Variants in ERBB4 observed in about 807,000 individuals in gnomAD.
ERBB4 encodes erb-b2 receptor tyrosine kinase 4.
Under a neutral mutation model 158.0 loss-of-function variants are expected in ERBB4, and 42 were observed. That is an observed-to-expected ratio of 0.27 (90% confidence interval 0.21 to 0.34). The LOEUF (loss-of-function observed/expected upper bound fraction) is 0.34, where lower values mean the gene tolerates loss of function less well. Among genes scored for constraint, ERBB4 ranks in the 10% least tolerant of loss-of-function variants. The probability of loss-of-function intolerance (pLI) is 1.00; values close to 1 mark genes in which losing one functional copy is unlikely to be tolerated. For synonymous variants in ERBB4, 583 were observed against 558.7 expected, an observed-to-expected ratio of 1.04 and a Z score of -0.61; for missense variants, 1,333 against 1,624.1, an observed-to-expected ratio of 0.82 and a Z score of 3.08.
chr2:212,277,762 C>A (rs1014518319), intron 1 of ERBB4, among the ~76,000 whole-genome samples: 1 of 151,688 alleles, frequency 6.6e-6, no homozygotes, highest in Admixed American at 6.6e-5. Flanking sequence ...TATATGCTGA[C>A]ACAGATTCAT....
At chr2:212,361,425 A>C (rs578215878) in intron 1 of ERBB4, among the ~76,000 whole-genome samples, 1 of 151,782 alleles carries the variant, frequency 6.6e-6, no homozygotes, top group African/African-American at 2.4e-5. Context: ...CAAAGAGGGA[A>C]GGTTTTGCAT....
chr2:212,183,647 T>C (rs1276350459), intron 1 of ERBB4, among the ~76,000 whole-genome samples: 2 of 151,936 alleles, frequency 1.3e-5, no homozygotes, highest in Admixed American at 1.3e-4. Context: ...TATGGAGAAG[T>C]TTTTTTGCTA....
chr2:212,075,947 G>A (rs1337665262), intron 2 of ERBB4, among the ~76,000 whole-genome samples: 2 of 151,758 alleles, frequency 1.3e-5, no homozygotes, highest in Non-Finnish European at 2.9e-5. Context: ...TTGAAATCCA[G>A]TAGTTGGAAT....
intron 2 of ERBB4, among the ~76,000 whole-genome samples, chr2:212,022,575 T>C (rs1318969526): frequency 6.6e-6 from 1 of 152,004 alleles, no homozygotes; most frequent in Non-Finnish European, 1.5e-5. Flanking sequence ...AGAGCTAATG[T>C]ATGCTGGGCT....
At chr2:211,435,344 C>T (rs571106286) in intron 20 of ERBB4, among the ~76,000 whole-genome samples, 1 of 151,852 alleles carries the variant, frequency 6.6e-6, no homozygotes, top group South Asian at 2.1e-4. Context: ...TAGAACACAG[C>T]GGTCATTAAA....
At chr2:211,632,006 C>T (rs901978365) in intron 16 of ERBB4, among the ~76,000 whole-genome samples, 2 of 151,860 alleles carry the variant, frequency 1.3e-5, no homozygotes, top group African/African-American at 2.4e-5. Flanking sequence ...AAAAAATCTG[C>T]GTAACTTCTT....
At chr2:212,451,338 A>C (rs1170118836) in intron 1 of ERBB4, among the ~76,000 whole-genome samples, 9 of 152,240 alleles carry the variant, frequency 5.9e-5, no homozygotes, top group Admixed American at 5.9e-4. Flanking sequence ...ATGTTGGAAA[A>C]ATCATAAACT....
chr2:211,863,056 T>C (rs1384568577), intron 3 of ERBB4, among the ~76,000 whole-genome samples: 1 of 151,628 alleles, frequency 6.6e-6, no homozygotes, highest in African/African-American at 2.4e-5. Flanking sequence ...CATCACTCTG[T>C]AAAAACGCAC....
chr2:212,223,087 T>G (rs1254071383), intron 1 of ERBB4, among the ~76,000 whole-genome samples: 1 of 151,522 alleles, frequency 6.6e-6, no homozygotes, highest in African/African-American at 2.4e-5. Flanking sequence ...ATTTGGGGCA[T>G]GCATATAAAA....
At chr2:211,499,776 GTTCTAT>G (rs2065570781) in intron 20 of ERBB4, among the ~76,000 whole-genome samples, 1 of 151,992 alleles carries the variant, frequency 6.6e-6, no homozygotes, top group African/African-American at 2.4e-5. Context: ...CCCCCAAAAA[GTTCTAT>G]TTCTGAGACT....
intron 20 of ERBB4, among the ~76,000 whole-genome samples, chr2:211,492,075 A>T: frequency 6.6e-6 from 1 of 151,928 alleles, no homozygotes; most frequent in Middle Eastern, 3.2e-3. Context: ...CTTAAGAAAA[A>T]AAAAAAGAAT....
At chr2:212,526,591 T>C (rs573433933) in intron 1 of ERBB4, among the ~76,000 whole-genome samples, 1 of 151,978 alleles carries the variant, frequency 6.6e-6, no homozygotes, top group Non-Finnish European at 1.5e-5. Context: ...AACTGTTTAG[T>C]TGATATTTTT....
In ERBB4 at chr2:211,878,221, T is replaced by A. The variant is rs183561765; in HGVS notation, c.421+69209A>T. Among the ~76,000 whole-genome samples, 34 of 152,346 alleles carry A rather than the reference T, an allele frequency of 2.2e-4. No homozygotes were observed. The East Asian group carries it at 5.0e-3, about 22-fold the overall frequency. ...AAATTTATCTTATAATTTAAAACAG[T>A]TCTCATTAGAGTCAGGAATCAGTAA... is the stretch of plus-strand genomic sequence containing the variant. On this transcript the variant is annotated intron_variant, in intron 3 of 27. Coordinates refer to ENST00000342788, the MANE Select transcript of ERBB4 (RefSeq NM_005235.3).
rs1398415306 is a variant in ERBB4 at position 211,997,204 on chromosome 2, A to T, written c.235-49588T>A. 3.9e-5 allele frequency among the ~76,000 whole-genome samples: 6 copies of T among 152,294 alleles called. 1 individual carries two copies. The highest frequency in any genetic ancestry group is 2.0e-4 in the Admixed American group (3 of 15,286). On this transcript the variant is annotated intron_variant, in intron 2 of 27. Transcript: ENST00000342788. The stretch of plus-strand genomic sequence containing the variant: ...TCCTAATATCTATCAAAAAGATAAT[A>T]GTCTATAATTCCTTCCTTTTCAAAC...
rs537398152 is a variant in ERBB4 at position 212,375,628 on chromosome 2, C to T, written c.82+162821G>A. On this transcript the variant is annotated intron_variant, in intron 1 of 27. Coordinates refer to ENST00000342788, the MANE Select transcript of ERBB4 (RefSeq NM_005235.3). ...ATATTTTTTCTTATAAGGGGGACTT[C>T]AAAAACTTCATGGAAAATGAATATT... Among the ~76,000 whole-genome samples, 47 of 152,070 alleles carry T rather than the reference C, an allele frequency of 3.1e-4. No individual in the cohort carries two copies. In the South Asian group the frequency reaches 9.5e-3, roughly 31 times the overall value.
intron 5 of ERBB4, among the ~76,000 whole-genome samples, chr2:211,732,755 C>G: frequency 6.6e-6 from 1 of 152,124 alleles, no homozygotes; most frequent in East Asian, 1.9e-4. Context: ...TCACGAGTGA[C>G]CAGCCTGACC....
intron 4 of ERBB4, among the ~76,000 whole-genome samples, chr2:211,787,497 T>C (rs1364127572): frequency 6.6e-6 from 1 of 152,220 alleles, no homozygotes; most frequent in Non-Finnish European, 1.5e-5. Flanking sequence ...ACATGTTTCT[T>C]CTATATGAAA....
intron 1 of ERBB4, among the ~76,000 whole-genome samples, chr2:212,148,224 G>C (rs1268576552): frequency 6.6e-6 from 1 of 151,640 alleles, no homozygotes; most frequent in East Asian, 1.9e-4. Flanking sequence ...GGCATACACA[G>C]GATTATTCTA....
At chr2:212,463,623 AG>A (rs1688684661) in intron 1 of ERBB4, among the ~76,000 whole-genome samples, 1 of 152,104 alleles carries the variant, frequency 6.6e-6, no homozygotes, top group Non-Finnish European at 1.5e-5. Context: ...AAAAAGCCTC[AG>A]AAGACTGAAA....
Sources: gnomAD v4.1 joint callset for allele counts (sites outside exome capture counted in the v4.1 genomes callset) on GRCh38, gnomAD v4.1.1 for gene constraint, MANE v1.5 for transcripts, NCBI Gene and HGNC (gene_info 2026-07-23, HGNC 2026-07-21) for gene names.